The following NDUFAF6 variants were observed in gnomAD, a reference collection of about 807,000 sequenced individuals.
NDUFAF6 encodes the protein NADH dehydrogenase (ubiquinone) complex I, assembly factor 6.
NDUFAF6 carries 45 observed loss-of-function variants against 40.8 expected under a neutral mutation model. The observed-to-expected ratio is 1.10, with a 90% CI of 0.87 to 1.42. The LOEUF is 1.42. Ranked by LOEUF, NDUFAF6 falls within the 40% of genes most tolerant of loss-of-function variation. The probability of loss-of-function intolerance (pLI) is 0.00; values close to 1 mark genes in which losing one functional copy is unlikely to be tolerated. For missense variants in NDUFAF6, 435 were observed against 418.5 expected, an observed-to-expected ratio of 1.04 and a Z score of -0.34; for synonymous variants, 185 against 155.9, an observed-to-expected ratio of 1.19 and a Z score of -1.39.
chr8:95,104,957 T>C (rs376969349), downstream of NDUFAF6, among the ~76,000 whole-genome samples: 49 of 151,596 alleles, frequency 3.2e-4, no homozygotes, highest in African/African-American at 1.2e-3. Context: ...GACAGAAGAT[T>C]AGAATTGGGG....
At chr8:94,900,085 A>G (rs543008864) in intron 1 of NDUFAF6, among the ~76,000 whole-genome samples, 7 of 152,250 alleles carry the variant, frequency 4.6e-5, no homozygotes, top group African/African-American at 1.7e-4. Flanking sequence ...CCTGTTCTGA[A>G]GTAGGACTTT....
chr8:94,949,951 C>G (rs1334234378), intron 2 of NDUFAF6: 1 of 152,410 alleles, frequency 6.6e-6, no homozygotes, highest in Non-Finnish European at 1.5e-5. Context: ...AGAGGCCGCT[C>G]AATCACGGAG....
At chr8:94,976,822 C>T (rs181828152) in intron 1 of NDUFAF6, among the ~76,000 whole-genome samples, 8 of 152,152 alleles carry the variant, frequency 5.3e-5, no homozygotes, top group East Asian at 1.9e-4. Flanking sequence ...CACAACAATG[C>T]GAATGTACTT....
chr8:95,086,882 C>T (rs1478454449), intron 2 of NDUFAF6, among the ~76,000 whole-genome samples: 1 of 152,104 alleles, frequency 6.6e-6, no homozygotes, highest in East Asian at 1.9e-4. Flanking sequence ...GGATTACAGG[C>T]GTGAGCCACC....
intron 1 of NDUFAF6, among the ~76,000 whole-genome samples, chr8:94,897,751 A>T (rs545761607): frequency 6.9e-6 from 1 of 144,740 alleles, no homozygotes; most frequent in South Asian, 2.1e-4. Context: ...AGCTTCACAG[A>T]TCCTTTTCCC....
intron 1 of NDUFAF6, among the ~76,000 whole-genome samples, chr8:94,933,196 A>G (rs985552911): frequency 7.2e-5 from 11 of 152,224 alleles, no homozygotes; most frequent in African/African-American, 2.7e-4. Flanking sequence ...AGCCTGGGCA[A>G]CAGTGAGACT....
chr8:94,924,222 C>T (rs920292897), intron 1 of NDUFAF6, among the ~76,000 whole-genome samples: 2 of 151,980 alleles, frequency 1.3e-5, no homozygotes, highest in African/African-American at 4.8e-5. Context: ...CCACCACGCC[C>T]GTCTAATTTT....
At chr8:95,075,554 C>A in intron 9 of NDUFAF6, 1 of 1,171,364 alleles carries the variant, frequency 8.5e-7, no homozygotes, top group Non-Finnish European at 1.1e-6. Context: ...CAACCATAAG[C>A]ATCTCTCGGG....
intron 1 of NDUFAF6, among the ~76,000 whole-genome samples, chr8:95,030,400 A>G (rs1563804057): frequency 1.3e-5 from 2 of 151,714 alleles, no homozygotes; most frequent in African/African-American, 2.4e-5. Context: ...TAATTTTTTT[A>G]TTTTTTAAGT....
At chr8:95,050,306 G>C (rs182501906) in intron 7 of NDUFAF6, among the ~76,000 whole-genome samples, 1 of 152,344 alleles carries the variant, frequency 6.6e-6, no homozygotes, top group Non-Finnish European at 1.5e-5. Flanking sequence ...GAACACCACT[G>C]GTGGTGTATG....
chr8:95,081,143 C>CTT (rs559573385), downstream of NDUFAF6, among the ~76,000 whole-genome samples: 43 of 57,758 alleles, frequency 7.4e-4, 3 homozygotes, highest in Admixed American at 1.5e-3. Context: ...AGTCCTGCAT[C>CTT]TTTTTTTTTT....
chr8:94,972,296 C>T (rs575902766), intron 1 of NDUFAF6, among the ~76,000 whole-genome samples: 14 of 152,212 alleles, frequency 9.2e-5, no homozygotes, highest in African/African-American at 3.1e-4. Flanking sequence ...GGCTGGATTG[C>T]AGTGGCTCGA....
At chr8:94,898,494 A>G (rs1171227836) in intron 1 of NDUFAF6, among the ~76,000 whole-genome samples, 1 of 152,218 alleles carries the variant, frequency 6.6e-6, no homozygotes, top group East Asian at 1.9e-4. Context: ...GGAAGATCAT[A>G]GAGATAAAGT....
chr8:94,939,237 AT>A (rs1821284270), intron 1 of NDUFAF6, among the ~76,000 whole-genome samples: 1 of 152,262 alleles, frequency 6.6e-6, no homozygotes, highest in South Asian at 2.1e-4. Context: ...GTTGAATTTG[AT>A]ACCCTAAATA....
At chr8:95,028,766 G>A (rs1330571361) in intron 1 of NDUFAF6, among the ~76,000 whole-genome samples, 1 of 152,138 alleles carries the variant, frequency 6.6e-6, no homozygotes, top group South Asian at 2.1e-4. Context: ...AGTTAAGATT[G>A]TAGTTTGATT....
chr8:95,086,192 GA>G (rs1342896509), intron 2 of NDUFAF6, among the ~76,000 whole-genome samples: 1 of 152,138 alleles, frequency 6.6e-6, no homozygotes, highest in African/African-American at 2.4e-5. Flanking sequence ...ACCAGGACTG[GA>G]AGAATAAAAA....
At chr8:95,030,005 AC>A (rs750930298) in intron 1 of NDUFAF6, among the ~76,000 whole-genome samples, 15 of 151,876 alleles carry the variant, frequency 9.9e-5, no homozygotes, top group Admixed American at 1.3e-4. Context: ...TCAAACTTTT[AC>A]CCCTTTAACA....
At chr8:94,915,474 C>T (rs13264488) in intron 1 of NDUFAF6, among the ~76,000 whole-genome samples, 9,859 of 152,192 alleles carry the variant, frequency 0.065, 407 homozygotes, top group Middle Eastern at 0.095. Context: ...CCACTTTTGA[C>T]GGTCATCTAG....
chr8:94,959,080 G>C (rs535215051), intron 1 of NDUFAF6, among the ~76,000 whole-genome samples: 13 of 152,100 alleles, frequency 8.5e-5, no homozygotes, highest in Non-Finnish European at 1.9e-4. Context: ...CGGGAAAGAG[G>C]GGGTGATTGC....
Sources: gnomAD v4.1 joint callset for allele counts (sites outside exome capture counted in the v4.1 genomes callset) on GRCh38, gnomAD v4.1.1 for gene constraint, MANE v1.5 for transcripts, NCBI Gene and HGNC (gene_info 2026-07-23, HGNC 2026-07-21) for gene names.